PABPC4L: variants seen among roughly 807,000 people sequenced by gnomAD.
PABPC4L encodes the protein polyadenylate-binding protein 4-like.
For synonymous variants in PABPC4L, 169 were observed against 164.1 expected, an observed-to-expected ratio of 1.03 and a Z score of -0.23; for missense variants, 452 against 451.4, an observed-to-expected ratio of 1.00 and a Z score of -0.01.
At chr4:134,006,852 A>G in the PABPC4L span, among the ~76,000 whole-genome samples, 1 of 151,794 alleles carries the variant, frequency 6.6e-6, no homozygotes, top group African/African-American at 2.4e-5. Context: ...ATGTTTTCCA[A>G]TCTCAAAGTG....
At chr4:134,141,707 C>A in the PABPC4L span, among the ~76,000 whole-genome samples, 1 of 151,450 alleles carries the variant, frequency 6.6e-6, no homozygotes, top group South Asian at 2.1e-4. Context: ...TCACTTTTAT[C>A]TTTTCTATAT....
the PABPC4L span, among the ~76,000 whole-genome samples, chr4:133,983,359 C>T: frequency 1.2e-4 from 18 of 151,866 alleles, no homozygotes; most frequent in East Asian, 1.2e-3. Context: ...GCTCAATTGG[C>T]CCCTTTCTGG....
chr4:133,991,403 T>G, the PABPC4L span, among the ~76,000 whole-genome samples: 2 of 152,196 alleles, frequency 1.3e-5, no homozygotes, highest in Admixed American at 1.3e-4. Flanking sequence ...GACACAGATA[T>G]GCTTATGCTT....
At chr4:134,151,273 T>A in the PABPC4L span, among the ~76,000 whole-genome samples, 5 of 152,114 alleles carry the variant, frequency 3.3e-5, no homozygotes, top group African/African-American at 1.2e-4. Flanking sequence ...TGTATATGTA[T>A]TACGGTTAAA....
At chr4:134,173,177 A>G in the PABPC4L span, among the ~76,000 whole-genome samples, 989 of 150,874 alleles carry the variant, frequency 6.6e-3, 16 homozygotes, top group African/African-American at 0.023. Flanking sequence ...AAAAAAAAAA[A>G]AAAGAAACTG....
the PABPC4L span, among the ~76,000 whole-genome samples, chr4:134,121,323 G>A: frequency 6.6e-6 from 1 of 151,174 alleles, no homozygotes; most frequent in African/African-American, 2.4e-5. Flanking sequence ...TTCAGTTTAT[G>A]TCTTCCTTCG....
the PABPC4L span, among the ~76,000 whole-genome samples, chr4:134,001,808 C>A: frequency 1.3e-5 from 2 of 151,992 alleles, no homozygotes; most frequent in Non-Finnish European, 2.9e-5. Flanking sequence ...AATTATAAAT[C>A]ATATCTATAG....
At chr4:134,078,111 C>T in the PABPC4L span, among the ~76,000 whole-genome samples, 1 of 151,998 alleles carries the variant, frequency 6.6e-6, no homozygotes, top group Non-Finnish European at 1.5e-5. Context: ...GATAACTAAC[C>T]TAAAATGACC....
chr4:134,070,588 C>T, the PABPC4L span, among the ~76,000 whole-genome samples: 8 of 152,004 alleles, frequency 5.3e-5, no homozygotes, highest in African/African-American at 9.7e-5. Flanking sequence ...ACTCACATGC[C>T]GCTGGAGGAG....
chr4:134,080,817 T>C, the PABPC4L span, among the ~76,000 whole-genome samples: 1 of 152,164 alleles, frequency 6.6e-6, no homozygotes, highest in African/African-American at 2.4e-5. Flanking sequence ...TAGTCTATGT[T>C]TAATCTACAT....
At chr4:134,063,832 GTTC>G in the PABPC4L span, among the ~76,000 whole-genome samples, 4 of 151,800 alleles carry the variant, frequency 2.6e-5, no homozygotes, top group African/African-American at 9.7e-5. Context: ...GTTATTTATT[GTTC>G]TTCTGTTAGA....
At chr4:134,022,191 T>A in the PABPC4L span, among the ~76,000 whole-genome samples, 1 of 152,130 alleles carries the variant, frequency 6.6e-6, no homozygotes, top group Admixed American at 6.6e-5. Context: ...TTTATTCTGT[T>A]CAGTCACTTT....
the PABPC4L span, among the ~76,000 whole-genome samples, chr4:133,958,814 AC>A: frequency 6.6e-6 from 1 of 152,130 alleles, no homozygotes; most frequent in Non-Finnish European, 1.5e-5. Flanking sequence ...AGATTCAATT[AC>A]CTCCCACTGA....
the PABPC4L span, among the ~76,000 whole-genome samples, chr4:133,992,945 G>A: frequency 1.1e-4 from 16 of 151,978 alleles, no homozygotes; most frequent in African/African-American, 3.6e-4. Context: ...CTAGTACCAG[G>A]TTGGGTCCTA....
chr4:134,150,402 G>A, the PABPC4L span, among the ~76,000 whole-genome samples: 2 of 151,956 alleles, frequency 1.3e-5, no homozygotes, highest in African/African-American at 4.8e-5. Context: ...GGCATTTTTA[G>A]CAATGCTATA....
chr4:134,183,515 G>T, the PABPC4L span, among the ~76,000 whole-genome samples: 1 of 151,578 alleles, frequency 6.6e-6, no homozygotes, highest in Non-Finnish European at 1.5e-5. Flanking sequence ...AAGGTACCAT[G>T]CTTATTACCT....
chr4:133,963,464 A>G, the PABPC4L span, among the ~76,000 whole-genome samples: 1 of 152,154 alleles, frequency 6.6e-6, no homozygotes, highest in Non-Finnish European at 1.5e-5. Flanking sequence ...GAAACAATGG[A>G]TTTAAAATAT....
chr4:134,100,970 T>A, the PABPC4L span, among the ~76,000 whole-genome samples: 7 of 151,470 alleles, frequency 4.6e-5, no homozygotes, highest in African/African-American at 1.7e-4. Context: ...TTGCCTTTTA[T>A]CTTCTAAGGA....
At chr4:134,134,486 A>C in the PABPC4L span, among the ~76,000 whole-genome samples, 1 of 151,866 alleles carries the variant, frequency 6.6e-6, no homozygotes, top group South Asian at 2.1e-4. Context: ...TAAACAAAGC[A>C]AAGTAATTTT....
Sources: gnomAD v4.1 joint callset for allele counts (sites outside exome capture counted in the v4.1 genomes callset) on GRCh38, gnomAD v4.1.1 for gene constraint, MANE v1.5 for transcripts, NCBI Gene and HGNC (gene_info 2026-07-23, HGNC 2026-07-21) for gene names.